Variants in MED13L observed in about 807,000 individuals in gnomAD.
MED13L encodes mediator of RNA polymerase II transcription subunit 13-like.
A neutral mutation model predicts 220.9 loss-of-function variants in MED13L; 7 were observed. The ratio of observed to expected loss-of-function variants is 0.03; its 90% CI spans 0.02 to 0.06. The LOEUF is 0.06. MED13L is among the 10% of genes least tolerant of loss of function. The pLI, the probability that MED13L is intolerant of heterozygous loss-of-function variation, is 1.00. For missense variants in MED13L, 1,965 were observed against 2,760.5 expected (o/e 0.71, Z 6.46); for synonymous variants, 1,011 against 1,015.2 (o/e 1.00, Z 0.08).
Position 116,019,355 on chromosome 12 carries a change from G to A in MED13L, c.878C>T (p.Pro293Leu), listed in dbSNP as rs537593859. ...AFVLISQNDI[P>L]VPQSVASAGG... is the part of the protein sequence containing the mutation. ...AGCACTGGCAACACTCTGAGGAACC[G>A]GGATGTCATTCTGAGAGATCAAAAC... The change falls in exon 7 of 31, where the codon CCG becomes CTG. Residue 293 changes from proline (P) to leucine (L), a missense_variant. Around this residue, in one of 10 missense-constraint regions of MED13L, gnomAD observed 818 missense variants for 1,041.2 expected, o/e 0.79. Transcript: ENST00000281928. 54 of 1,613,974 alleles carry A rather than the reference G, an allele frequency of 3.3e-5. No homozygotes were observed. In the Admixed American group the frequency reaches 6.7e-4, roughly 20 times the overall value.
intron 1 of MED13L, among the ~76,000 whole-genome samples, chr12:116,264,150 G>A (rs1448474872): frequency 2.6e-5 from 4 of 152,164 alleles, no homozygotes; most frequent in African/African-American, 9.7e-5. Context: ...ACTGCAAAGA[G>A]AGAAGACACT....
At chr12:116,118,776 C>T (rs970446558) in intron 2 of MED13L, among the ~76,000 whole-genome samples, 2 of 152,096 alleles carry the variant, frequency 1.3e-5, no homozygotes, top group African/African-American at 2.4e-5. Context: ...ACTACTTGAC[C>T]GTGTTATGTG....
At chr12:116,131,140 A>G (rs1876033481) in intron 2 of MED13L, among the ~76,000 whole-genome samples, 1 of 152,190 alleles carries the variant, frequency 6.6e-6, no homozygotes, top group Non-Finnish European at 1.5e-5. Context: ...GGGGTAAAAA[A>G]TCTCTCCTGT....
chr12:116,148,017 A>G (rs984797088), intron 2 of MED13L, among the ~76,000 whole-genome samples: 9 of 122,536 alleles, frequency 7.3e-5, no homozygotes, highest in Non-Finnish European at 1.5e-4. Flanking sequence ...ATGCCACTGC[A>G]CTCCAGCTTG....
chr12:116,096,418 CAGATTATCTTAATTCCAAAT>C (rs1872650366), intron 4 of MED13L, among the ~76,000 whole-genome samples: 1 of 84,622 alleles, frequency 1.2e-5, no homozygotes, highest in Non-Finnish European at 2.5e-5. Flanking sequence ...AATAACAAAA[CAGATTATCTTAATTCCAAAT>C]AGTATAGTAA....
chr12:116,019,962 A>G lies in MED13L; in HGVS notation c.636T>C (p.Ser212=), dbSNP rs373740411. The part of the protein sequence containing the change: ...SSPAPFQVLV[S]PYGLNGTLTG... ...TTAGCGTCCCATTTAAGCCATAAGG[A>G]CTTACCAGTACTATGGAGGGGAGGA... The change falls in exon 6 of 31, where the codon AGT becomes AGC. Residue 212 remains serine, a synonymous_variant. Transcript: ENST00000281928. 4.3e-6 allele frequency: 7 copies of G among 1,613,414 alleles called. No homozygotes were observed. The highest frequency in any genetic ancestry group is 5.1e-6 in the Non-Finnish European group (6 of 1,179,550).
In MED13L at chr12:116,226,776, G is replaced by A. The variant is rs147988209; in HGVS notation, c.310+10692C>T. Among the ~76,000 whole-genome samples, 96 of 151,960 alleles carry A rather than the reference G, an allele frequency of 6.3e-4. 2 individuals carry two copies. In the East Asian group the frequency reaches 0.017, roughly 26 times the overall value. Reference sequence around the variant, plus strand: ...CCCAGCTACTTGGGAGGCTGAGGCAGGGGAACTGCTCGAACTCCGGACGTG... The same window carrying A: ...CCCAGCTACTTGGGAGGCTGAGGCAAGGGAACTGCTCGAACTCCGGACGTG... On this transcript the variant is annotated intron_variant, in intron 2 of 30. Transcript: ENST00000281928.
rs182349953 is a variant in MED13L, at chr12:116,034,260, T to C, written c.480-11659A>G. 6.6e-5 allele frequency among the ~76,000 whole-genome samples: 10 copies of C among 152,232 alleles called. No individual in the cohort carries two copies. In the East Asian group the frequency reaches 1.9e-3, roughly 29 times the overall value. ...TACCTATCATTTTGGACCCCAGTAC[T>C]TAGTATGGTGCTTGCCATAGGTAGA... On this transcript the variant is annotated intron_variant, in intron 4 of 30. Coordinates refer to ENST00000281928, the MANE Select transcript of MED13L (RefSeq NM_015335.5).
At chr12:116,024,138 C>T (rs1880231149) in intron 4 of MED13L, among the ~76,000 whole-genome samples, 2 of 152,122 alleles carry the variant, frequency 1.3e-5, no homozygotes, top group African/African-American at 4.8e-5. Context: ...ATGTAGACTA[C>T]AGCCATAGAA....
Position 116,255,596 on chromosome 12 carries a change from G to A in MED13L, c.73-17891C>T, listed in dbSNP as rs145117612. On this transcript the variant is annotated intron_variant, in intron 1 of 30. Coordinates refer to ENST00000281928, the MANE Select transcript of MED13L (RefSeq NM_015335.5). The stretch of plus-strand genomic sequence containing the variant: ...AATGAAAAGGCACACCACAAATTAG[G>A]AGAATACATTTGTAATACATCTATC... 6.6e-5 allele frequency among the ~76,000 whole-genome samples: 10 copies of A among 152,280 alleles called. No homozygotes were observed. In the East Asian group the frequency reaches 1.9e-3, roughly 29 times the overall value.
At chr12:116,116,933 G>A (rs1209022100) in intron 2 of MED13L, among the ~76,000 whole-genome samples, 1 of 149,802 alleles carries the variant, frequency 6.7e-6, no homozygotes, top group African/African-American at 2.4e-5. Context: ...AAGTTTGGAG[G>A]ATGTAAGGTT....
At chr12:116,073,106 G>A (rs970568136) in intron 4 of MED13L, among the ~76,000 whole-genome samples, 4 of 152,234 alleles carry the variant, frequency 2.6e-5, no homozygotes, top group Middle Eastern at 3.4e-3. Context: ...GTGAAAAGGG[G>A]AAACAGAAGG....
intron 2 of MED13L, among the ~76,000 whole-genome samples, chr12:116,227,656 T>C (rs1387805292): frequency 6.6e-6 from 1 of 152,190 alleles, no homozygotes; most frequent in Non-Finnish European, 1.5e-5. Context: ...ATCACTATTG[T>C]ATGTGTTCTG....
chr12:116,024,777 GGGGGGGGGGA>G (rs1880280119), intron 4 of MED13L, among the ~76,000 whole-genome samples: 1 of 96,290 alleles, frequency 1.0e-5, no homozygotes, highest in Non-Finnish European at 2.1e-5. Context: ...GCGGGGCGGG[GGGGGGGGGGA>G]GGTGATCTTG....
intron 2 of MED13L, among the ~76,000 whole-genome samples, chr12:116,151,587 T>G (rs1377113082): frequency 6.6e-6 from 1 of 152,166 alleles, no homozygotes; most frequent in East Asian, 1.9e-4. Context: ...AACTGAGCAA[T>G]AAGAAGTCAC....
chr12:115,978,387 C>T (rs891876519), intron 23 of MED13L, among the ~76,000 whole-genome samples: 1 of 143,886 alleles, frequency 6.9e-6, no homozygotes, highest in South Asian at 2.2e-4. Flanking sequence ...AGTGCAGTGG[C>T]GTGATCTTGG....
At chr12:115,996,091 TTTC>T (rs1878383400) in intron 16 of MED13L, among the ~76,000 whole-genome samples, 1 of 152,030 alleles carries the variant, frequency 6.6e-6, no homozygotes, top group Non-Finnish European at 1.5e-5. Context: ...TCATTTTTTC[TTTC>T]TTTTTTTTCT....
chr12:116,185,798 A>T (rs908624502), intron 2 of MED13L, among the ~76,000 whole-genome samples: 1 of 151,904 alleles, frequency 6.6e-6, no homozygotes, highest in Non-Finnish European at 1.5e-5. Context: ...CCTTCAAGCA[A>T]TTCTCCTGCC....
chr12:116,194,244 C>A (rs985296708), intron 2 of MED13L, among the ~76,000 whole-genome samples: 2 of 152,044 alleles, frequency 1.3e-5, no homozygotes, highest in Admixed American at 1.3e-4. Flanking sequence ...CGGCTCGTCG[C>A]AACCTCCACC....
Sources: allele counts gnomAD v4.1 joint callset (sites outside exome capture counted in the v4.1 genomes callset), GRCh38; gene constraint gnomAD v4.1.1; regional missense constraint gnomAD v4.1.1; transcripts MANE v1.5; gene names NCBI Gene and HGNC (gene_info 2026-07-23, HGNC 2026-07-21).